The following GRIK3 variants were observed in gnomAD, a reference collection of about 807,000 sequenced individuals.
GRIK3 encodes glutamate ionotropic receptor kainate type subunit 3, also known as glutamate receptor ionotropic, kainate 3.
Under a neutral mutation model 102.5 loss-of-function variants are expected in GRIK3, and 29 were observed. That is an observed-to-expected ratio of 0.28 (90% CI 0.21 to 0.39). The LOEUF is 0.39. Among genes scored for constraint, GRIK3 ranks in the 10% least tolerant of loss-of-function variants. The pLI is 1.00. For synonymous variants in GRIK3, 511 were observed against 504.9 expected (o/e 1.01, Z -0.16); for missense variants, 908 against 1,252.4 (o/e 0.73, Z 4.15).
chr1:36,846,592 C>T (rs569885058), intron 9 of GRIK3, among the ~76,000 whole-genome samples: 82 of 152,320 alleles, frequency 5.4e-4, no homozygotes, highest in Non-Finnish European at 9.8e-4. Context: ...CCCAGACAGG[C>T]TGGGGCTGTG....
At chr1:36,921,851 C>A (rs1461817673) in intron 1 of GRIK3, among the ~76,000 whole-genome samples, 1 of 152,140 alleles carries the variant, frequency 6.6e-6, no homozygotes, top group East Asian at 1.9e-4. Context: ...GGGTGTCTCA[C>A]CTGCCCTGCT....
At chr1:37,016,816 A>G (rs1642656596) in intron 1 of GRIK3, among the ~76,000 whole-genome samples, 1 of 152,188 alleles carries the variant, frequency 6.6e-6, no homozygotes, top group South Asian at 2.1e-4. Flanking sequence ...ATTAAAATTA[A>G]AATGATGAGG....
Position 36,828,783 on chromosome 1 carries a change from A to G in GRIK3, c.1531-2957T>C, listed in dbSNP as rs1219658786. 3.3e-5 allele frequency among the ~76,000 whole-genome samples: 5 copies of G among 152,204 alleles called. No individual in the cohort carries two copies. In the East Asian group the frequency reaches 9.6e-4, roughly 29 times the overall value. The stretch of plus-strand genomic sequence containing the variant: ...AACCTCAAAGTCAATGGCGGTGATG[A>G]ATCTTCCTTTAACTTTTGATGGCAA... On this transcript the variant is annotated intron_variant, in intron 10 of 15. Coordinates refer to ENST00000373091, the MANE Select transcript of GRIK3 (RefSeq NM_000831.4).
At chr1:36,962,809 G>C (rs1002817072) in intron 1 of GRIK3, among the ~76,000 whole-genome samples, 3 of 150,780 alleles carry the variant, frequency 2.0e-5, no homozygotes, top group African/African-American at 7.4e-5. Flanking sequence ...GCTTGAACCC[G>C]GGAGGCGGAG....
At chr1:36,807,944 G>C (rs1642518420) in intron 13 of GRIK3, among the ~76,000 whole-genome samples, 1 of 152,184 alleles carries the variant, frequency 6.6e-6, no homozygotes, top group South Asian at 2.1e-4. Context: ...CTAGTCCTCA[G>C]CCTGCCCTTC....
intron 1 of GRIK3, among the ~76,000 whole-genome samples, chr1:36,999,008 ATGT>A (rs1642448609): frequency 5.4e-5 from 3 of 55,246 alleles, no homozygotes; most frequent in African/African-American, 2.7e-4. Context: ...GTGTGTGTGT[ATGT>A]GTGTGTGTGT....
At chr1:37,030,535 ACCCCCCACCCCCTCC>A in intron 1 of GRIK3, among the ~76,000 whole-genome samples, 1 of 69,938 alleles carries the variant, frequency 1.4e-5, no homozygotes, top group South Asian at 7.0e-4. Flanking sequence ...CCTTTTCCCC[ACCCCCCACCCCCTCC>A]CCCCCCCCAA....
chr1:36,798,920 ACTT>A lies in GRIK3; in HGVS notation c.*2928_*2930del, dbSNP rs1265453981. The A allele has an allele frequency of 5.3e-5, 8 of 152,060 alleles. No individual in the cohort carries two copies. Among genetic ancestry groups the A allele is most frequent in the South Asian group, 4.1e-4 (2 of 4,826 alleles). The allele number at this position is 152,060 out of a possible 1,614,324, so 9.4% of individuals were successfully genotyped here. ...TGTTCGTTTTATAAAAATTCTCACC[ACTT>A]CTTCTTCCTCCTGTCACAATCCACA... On this transcript the variant is annotated 3_prime_UTR_variant, in exon 16 of 16. Transcript: ENST00000373091.
intron 1 of GRIK3, among the ~76,000 whole-genome samples, chr1:36,910,749 A>C (rs1213015996): frequency 6.6e-6 from 1 of 152,194 alleles, no homozygotes; most frequent in Non-Finnish European, 1.5e-5. Context: ...TCATTCATTC[A>C]TATACTCATT....
At chr1:36,884,697 C>T (rs1641019067) in intron 2 of GRIK3, among the ~76,000 whole-genome samples, 1 of 152,224 alleles carries the variant, frequency 6.6e-6, no homozygotes, top group African/African-American at 2.4e-5. Flanking sequence ...GTTTCTGTCC[C>T]ACTATATTAT....
At chr1:36,812,382 G>C (rs1450538825) in intron 13 of GRIK3, among the ~76,000 whole-genome samples, 1 of 152,052 alleles carries the variant, frequency 6.6e-6, no homozygotes, top group Non-Finnish European at 1.5e-5. Context: ...CACTGAAAAA[G>C]GTCTAAGTGC....
At chr1:37,007,005 G>A (rs1442262085) in intron 1 of GRIK3, among the ~76,000 whole-genome samples, 2 of 152,182 alleles carry the variant, frequency 1.3e-5, no homozygotes, top group African/African-American at 2.4e-5. Context: ...TCCAGCAGCC[G>A]TCTTCCCTCT....
chr1:36,808,851 C>A (rs1642528667), intron 13 of GRIK3, among the ~76,000 whole-genome samples: 1 of 152,214 alleles, frequency 6.6e-6, no homozygotes, highest in Non-Finnish European at 1.5e-5. Context: ...CTTCTGCTCC[C>A]AGTATGGTTG....
chr1:36,964,730 C>A (rs4653236), intron 1 of GRIK3, among the ~76,000 whole-genome samples: 24,586 of 152,158 alleles, frequency 0.16, 2,115 homozygotes, highest in South Asian at 0.19. Flanking sequence ...TACCCACACC[C>A]CTGCCAAGAC....
rs778340126 is a variant in GRIK3 at position 36,853,668 on chromosome 1, G to T, written c.1159C>A (p.Arg387=). The T allele has an allele frequency of 3.2e-6, 5 of 1,572,262 alleles. No individual in the cohort carries two copies. In the African/African-American group the frequency reaches 6.8e-5, roughly 21 times the overall value. ...RIVFNKTSGL[R]TDFDLDIISL... is the part of the protein sequence containing the mutation. ...ATGATGTCCAGATCAAAATCCGTCC[G>T]CAAGCCACTAGTTTTGTTGAAAACA... Residue 387 remains arginine, a synonymous_variant, in exon 8 of 16, where the codon CGG becomes AGG. Coordinates refer to ENST00000373091, the MANE Select transcript of GRIK3 (RefSeq NM_000831.4).
chr1:36,920,643 C>G (rs904083065), intron 1 of GRIK3, among the ~76,000 whole-genome samples: 2 of 152,154 alleles, frequency 1.3e-5, no homozygotes, highest in Non-Finnish European at 2.9e-5. Context: ...CCCCATGCAC[C>G]AGCTCCTGTG....
chr1:36,800,804 A>C lies in GRIK3; in HGVS notation c.*1047T>G, dbSNP rs1427153590. On this transcript the variant is annotated 3_prime_UTR_variant, in exon 16 of 16. Coordinates refer to ENST00000373091, the MANE Select transcript of GRIK3 (RefSeq NM_000831.4). ...TTTGAGGAGGGACAACTTGACTTTC[A>C]CTTCAACCAACTCTTCTTTCAAAAA... 9 of 152,118 alleles carry C rather than the reference A, an allele frequency of 5.9e-5. No homozygotes were observed. Among genetic ancestry groups the C allele is most frequent in the Admixed American group, 1.3e-4 (2 of 15,284 alleles). The allele number at this position is 152,118 out of a possible 1,614,324, so 9.4% of individuals were successfully genotyped here. A position where few individuals can be genotyped will look rare whatever the true frequency, so the allele number is the denominator to read the frequency against.
intron 1 of GRIK3, among the ~76,000 whole-genome samples, chr1:37,009,852 G>A (rs968446067): frequency 6.6e-6 from 1 of 152,164 alleles, no homozygotes; most frequent in African/African-American, 2.4e-5. Context: ...GACAGCGACA[G>A]TCCTGAGGAT....
At chr1:36,918,947 C>T (rs976014125) in intron 1 of GRIK3, among the ~76,000 whole-genome samples, 4 of 152,230 alleles carry the variant, frequency 2.6e-5, no homozygotes, top group African/African-American at 9.6e-5. Context: ...GTTCCAGGCA[C>T]TGGAGATACA....
Sources: gnomAD v4.1 joint callset for allele counts (sites outside exome capture counted in the v4.1 genomes callset) on GRCh38, gnomAD v4.1.1 for gene constraint, MANE v1.5 for transcripts, NCBI Gene and HGNC (gene_info 2026-07-23, HGNC 2026-07-21) for gene names.